The following SPRY3 variants were observed in gnomAD, a reference collection of about 807,000 sequenced individuals.
SPRY3 encodes the protein protein sprouty homolog 3.
SPRY3 carries 15 observed loss-of-function variants against 20.2 expected under a neutral mutation model. That is an observed-to-expected ratio of 0.74 (90% confidence interval 0.50 to 1.14). The LOEUF is 1.14. Among genes scored for constraint, SPRY3 ranks in the 50% most tolerant of loss-of-function variants. The probability of loss-of-function intolerance (pLI) is 0.00; values close to 1 mark genes in which losing one functional copy is unlikely to be tolerated. For missense variants in SPRY3, 364 were observed against 363.9 expected, an observed-to-expected ratio of 1.00 and a Z score of 0.00; for synonymous variants, 143 against 136.5, an observed-to-expected ratio of 1.05 and a Z score of -0.33.
intron 1 of SPRY3, among the ~76,000 whole-genome samples, chrX:155,645,321 T>C (rs2067954352): frequency 8.9e-6 from 1 of 112,256 alleles, no homozygotes; most frequent in African/African-American, 3.2e-5. Flanking sequence ...GCAGCTGGTA[T>C]CTCACTAGGC....
At chrX:155,690,931 G>C (rs2068100517) in intron 2 of SPRY3, among the ~76,000 whole-genome samples, 1 of 86,796 alleles carries the variant, frequency 1.2e-5, no homozygotes, top group African/African-American at 5.6e-5. Context: ...TTTCATTCTA[G>C]CTTGCTTTTT....
chrX:155,721,889 T>C (rs2091061166), intron 2 of SPRY3, among the ~76,000 whole-genome samples: 1 of 152,094 alleles, frequency 6.6e-6, no homozygotes, highest in African/African-American at 2.4e-5. Context: ...CTAGCAGTAG[T>C]AGGTACACAG....
chrX:155,639,435 G>T (rs2067934200), intron 1 of SPRY3, among the ~76,000 whole-genome samples: 1 of 111,971 alleles, frequency 8.9e-6, no homozygotes, highest in African/African-American at 3.2e-5. Context: ...CTGCTTCTGT[G>T]AGTTTGATTA....
chrX:155,751,556 A>G (rs2091262099), intron 2 of SPRY3, among the ~76,000 whole-genome samples: 1 of 151,946 alleles, frequency 6.6e-6, no homozygotes, highest in Non-Finnish European at 1.5e-5. Context: ...TTGTAGTTTC[A>G]ACACAGACGT....
At chrX:155,767,038 G>C (rs1275036295) in intron 2 of SPRY3, among the ~76,000 whole-genome samples, 1 of 152,056 alleles carries the variant, frequency 6.6e-6, no homozygotes, top group Admixed American at 6.5e-5. Context: ...ATTTAAATGA[G>C]ACCTCCTTAA....
intron 1 of SPRY3, among the ~76,000 whole-genome samples, chrX:155,650,010 T>C (rs1196345268): frequency 1.8e-5 from 2 of 111,283 alleles, no homozygotes; most frequent in African/African-American, 6.5e-5. Flanking sequence ...CCATTCACAA[T>C]TGCTAAAAAG....
chrX:155,616,205 C>G (rs1252129965), intron 1 of SPRY3, among the ~76,000 whole-genome samples: 5 of 104,290 alleles, frequency 4.8e-5, no homozygotes, highest in Non-Finnish European at 9.8e-5. Context: ...CTTTCCTCCC[C>G]ACTCCTCTCA....
At chrX:155,616,138 T>TCTCTCTCTCTCTCTCTCTCTC (rs2067852736) in intron 1 of SPRY3, among the ~76,000 whole-genome samples, 1 of 98,453 alleles carries the variant, frequency 1.0e-5, no homozygotes, top group Non-Finnish European at 2.1e-5. Flanking sequence ...CTCCTCTCTC[T>TCTCTCTCTCTCTCTCTCTCTC]CTCTCTCTCT....
At chrX:155,761,714 ATT>A (rs59391494) in intron 2 of SPRY3, among the ~76,000 whole-genome samples, 10 of 136,276 alleles carry the variant, frequency 7.3e-5, no homozygotes, top group Admixed American at 7.4e-5. Flanking sequence ...GCCAGCACCT[ATT>A]TTTTTTTTTT....
chrX:155,774,142 A>G (rs1034938116), exon 4 of SPRY3: 5 of 1,613,866 alleles, frequency 3.1e-6, no homozygotes, highest in Admixed American at 1.7e-5. Context: ...AATGTCCCAT[A>G]GCACCACTGC....
chrX:155,665,743 G>A (rs1330159548), intron 2 of SPRY3, among the ~76,000 whole-genome samples: 2 of 111,434 alleles, frequency 1.8e-5, no homozygotes, highest in Non-Finnish European at 3.8e-5. Context: ...CAGGCTAGTG[G>A]TCATCTATCA....
intron 2 of SPRY3, among the ~76,000 whole-genome samples, chrX:155,716,807 A>G (rs1208570877): frequency 6.6e-6 from 1 of 151,340 alleles, no homozygotes; most frequent in African/African-American, 2.4e-5. Flanking sequence ...ACTGTAGTCC[A>G]TAAGTCTTCC....
At chrX:155,617,646 G>A (rs2067858151) in intron 1 of SPRY3, among the ~76,000 whole-genome samples, 1 of 111,680 alleles carries the variant, frequency 9.0e-6, no homozygotes, top group African/African-American at 3.3e-5. Flanking sequence ...GACAATCTGT[G>A]CAGATGTTGG....
chrX:155,736,840 T>A (rs1463041822), intron 2 of SPRY3, among the ~76,000 whole-genome samples: 2 of 152,108 alleles, frequency 1.3e-5, no homozygotes, highest in African/African-American at 2.4e-5. Flanking sequence ...GTATATCACA[T>A]CTTCTGTAGT....
chrX:155,622,522 C>G, intron 1 of SPRY3, among the ~76,000 whole-genome samples: 1 of 111,671 alleles, frequency 9.0e-6, no homozygotes, highest in South Asian at 3.7e-4. Context: ...GCCATGTCTG[C>G]TAAGTAAAAA....
At chrX:155,696,948 CT>C (rs2068120765) in intron 2 of SPRY3, among the ~76,000 whole-genome samples, 1 of 111,502 alleles carries the variant, frequency 9.0e-6, no homozygotes, top group Non-Finnish European at 1.9e-5. Flanking sequence ...ATAGTACAAT[CT>C]AGTAATGGGT....
chrX:155,728,178 C>G (rs1363641213), intron 2 of SPRY3, among the ~76,000 whole-genome samples: 1 of 152,156 alleles, frequency 6.6e-6, no homozygotes, highest in African/African-American at 2.4e-5. Flanking sequence ...CTGATCCTTC[C>G]TCTGGAAGCT....
chrX:155,627,887 C>T lies in SPRY3; in HGVS notation c.-441+15240C>T, dbSNP rs6655069. Among the ~76,000 whole-genome samples the T allele has an allele frequency of 6.1e-3, 660 of 108,856 alleles. 2 individuals are homozygous for T. Among genetic ancestry groups the T allele is most frequent in the African/African-American group, 0.021 (619 of 29,790 alleles). 94.5% of individuals were successfully genotyped at this position (108,856 alleles called of 115,157 possible). ...TGTGTTCTCATTGTTCAGCTCCCAC[C>T]GTGATTGAGAACATGCAGTGTTTGA... On this transcript the variant is annotated intron_variant, in intron 1 of 3. Coordinates refer to ENST00000675360, the Ensembl canonical transcript of SPRY3.
chrX:155,614,495 A>G (rs1439702951), intron 1 of SPRY3, among the ~76,000 whole-genome samples: 1 of 111,714 alleles, frequency 9.0e-6, no homozygotes, highest in African/African-American at 3.2e-5. Flanking sequence ...AATGTGCACT[A>G]TATGCTAAAC....
Sources: allele counts gnomAD v4.1 joint callset (sites outside exome capture counted in the v4.1 genomes callset), GRCh38; gene constraint gnomAD v4.1.1; transcripts MANE v1.5; gene names NCBI Gene and HGNC (gene_info 2026-07-23, HGNC 2026-07-21).